The following NTN1 variants were observed in gnomAD, a reference collection of about 807,000 sequenced individuals.
The protein encoded by NTN1 is netrin 1, also known as netrin-1.
In NTN1, 11 loss-of-function variants were observed where a neutral mutation model predicts 54.2. The observed-to-expected ratio is 0.20, with a 90% CI of 0.13 to 0.34. The LOEUF (loss-of-function observed/expected upper bound fraction) is 0.34, where lower values mean the gene tolerates loss of function less well. Ranked by LOEUF, NTN1 falls within the 10% of genes least tolerant of loss-of-function variation. NTN1 has a pLI of 1.00. For synonymous variants in NTN1, 371 were observed against 382.0 expected, an observed-to-expected ratio of 0.97 and a Z score of 0.33; for missense variants, 740 against 893.1, an observed-to-expected ratio of 0.83 and a Z score of 2.18.
At chr17:9,136,692 C>T (rs188975347) in intron 2 of NTN1, among the ~76,000 whole-genome samples, 11 of 152,266 alleles carry the variant, frequency 7.2e-5, no homozygotes, top group African/African-American at 2.4e-4. Flanking sequence ...TGTGTGTGTG[C>T]GCTTCATCCT....
chr17:9,100,239 T>C (rs2142241322), intron 2 of NTN1, among the ~76,000 whole-genome samples: 2 of 152,314 alleles, frequency 1.3e-5, no homozygotes, highest in East Asian at 3.9e-4. Flanking sequence ...TTGCATGCAT[T>C]TTACTCTGTG....
At chr17:9,160,285 A>G (rs1181411081) in intron 2 of NTN1, among the ~76,000 whole-genome samples, 2 of 152,168 alleles carry the variant, frequency 1.3e-5, no homozygotes, top group South Asian at 2.1e-4. Flanking sequence ...TGTATTTTTT[A>G]GTAGAGACGG....
intron 2 of NTN1, among the ~76,000 whole-genome samples, chr17:9,115,392 CG>C (rs1421589609): frequency 6.6e-6 from 1 of 152,164 alleles, no homozygotes; most frequent in Non-Finnish European, 1.5e-5. Flanking sequence ...CAGGGTCTCC[CG>C]GGGGTCTCCT....
chr17:9,006,892 T>C, the NTN1 span, among the ~76,000 whole-genome samples: 1 of 152,238 alleles, frequency 6.6e-6, no homozygotes, highest in Non-Finnish European at 1.5e-5. Context: ...AGTTCTGGGT[T>C]ATCCTCTCCT....
chr17:9,063,448 T>C (rs1459605621), intron 2 of NTN1, among the ~76,000 whole-genome samples: 1 of 152,096 alleles, frequency 6.6e-6, no homozygotes, highest in East Asian at 1.9e-4. Flanking sequence ...AAGCACAAAA[T>C]GGTGTTTCTC....
chr17:9,111,937 A>C (rs557923584), intron 2 of NTN1, among the ~76,000 whole-genome samples: 1 of 152,338 alleles, frequency 6.6e-6, no homozygotes, highest in Non-Finnish European at 1.5e-5. Context: ...ATTCAAACCC[A>C]TGTTGTTCAA....
intron 6 of NTN1, among the ~76,000 whole-genome samples, chr17:9,233,646 T>C (rs1043534546): frequency 2.6e-5 from 4 of 151,974 alleles, no homozygotes; most frequent in Non-Finnish European, 5.9e-5. Flanking sequence ...AGTCCCCCTC[T>C]GGAGGAATCT....
intron 6 of NTN1, among the ~76,000 whole-genome samples, chr17:9,235,853 C>T (rs527469175): frequency 2.7e-4 from 41 of 151,608 alleles, no homozygotes; most frequent in Non-Finnish European, 5.0e-4. Context: ...CTCTTGGGCT[C>T]AAGCAATTCT....
At chr17:9,222,915 C>T (rs1159911108) in intron 6 of NTN1, among the ~76,000 whole-genome samples, 3 of 152,120 alleles carry the variant, frequency 2.0e-5, no homozygotes, top group Non-Finnish European at 2.9e-5. Context: ...AGAGTTCATA[C>T]GCACACTCCC....
At chr17:9,070,649 T>C (rs1286953053) in intron 2 of NTN1, among the ~76,000 whole-genome samples, 1 of 152,220 alleles carries the variant, frequency 6.6e-6, no homozygotes, top group Non-Finnish European at 1.5e-5. Flanking sequence ...TGGAGTGCAA[T>C]GTTGCGATCT....
the NTN1 span, among the ~76,000 whole-genome samples, chr17:9,007,264 C>G: frequency 7.5e-6 from 1 of 133,344 alleles, no homozygotes; most frequent in African/African-American, 2.9e-5. Context: ...TTCTCTTTCT[C>G]TCTTTCTTTT....
intron 2 of NTN1, among the ~76,000 whole-genome samples, chr17:9,142,270 T>C (rs1269527430): frequency 7.1e-6 from 1 of 140,326 alleles, no homozygotes. Context: ...GCCTGGACAA[T>C]AGAATAAGAT....
chr17:9,044,564 G>A (rs1032079399), intron 2 of NTN1, among the ~76,000 whole-genome samples: 2 of 151,950 alleles, frequency 1.3e-5, no homozygotes, highest in African/African-American at 4.8e-5. Flanking sequence ...TTTGGTTTTT[G>A]TTTGTTTTTT....
intron 5 of NTN1, among the ~76,000 whole-genome samples, chr17:9,205,800 G>C (rs1453052879): frequency 6.6e-6 from 1 of 152,246 alleles, no homozygotes; most frequent in African/African-American, 2.4e-5. Context: ...GACTTTGGAT[G>C]CTGAACACTT....
chr17:9,154,272 C>T (rs770695656), intron 2 of NTN1, among the ~76,000 whole-genome samples: 1 of 152,238 alleles, frequency 6.6e-6, no homozygotes, highest in Non-Finnish European at 1.5e-5. Context: ...TTGTCCTGCT[C>T]ACTGTGACGT....
intron 5 of NTN1, among the ~76,000 whole-genome samples, chr17:9,195,998 C>T (rs952650065): frequency 1.4e-4 from 22 of 152,158 alleles, no homozygotes; most frequent in African/African-American, 5.3e-4. Context: ...CCAGTCTTCT[C>T]GGTGAAATGA....
chr17:9,062,273 CTTT>C, intron 2 of NTN1, among the ~76,000 whole-genome samples: 1 of 152,190 alleles, frequency 6.6e-6, no homozygotes. Flanking sequence ...TTTTATTCCC[CTTT>C]CTGGGCTGGA....
chr17:9,215,250 T>TACACACACACACACACACACAC (rs58245153), intron 5 of NTN1, among the ~76,000 whole-genome samples: 1 of 138,210 alleles, frequency 7.2e-6, no homozygotes, highest in African/African-American at 2.7e-5. Context: ...GCTAGATAGA[T>TACACACACACACACACACACAC]ACACACACAC....
chr17:9,097,058 G>T (rs2092134381), intron 2 of NTN1, among the ~76,000 whole-genome samples: 3 of 152,042 alleles, frequency 2.0e-5, no homozygotes, highest in Non-Finnish European at 2.9e-5. Context: ...GACTTTCCTT[G>T]TTTCTCTTCT....
Sources: gnomAD v4.1 joint callset for allele counts (sites outside exome capture counted in the v4.1 genomes callset) on GRCh38, gnomAD v4.1.1 for gene constraint, MANE v1.5 for transcripts, NCBI Gene and HGNC (gene_info 2026-07-23, HGNC 2026-07-21) for gene names.